The following ATXN1 variants were observed in gnomAD, a reference collection of about 807,000 sequenced individuals.
ATXN1 encodes ataxin 1.
In ATXN1, 8 loss-of-function variants were observed where a neutral mutation model predicts 56.4. That is an observed-to-expected ratio of 0.14 (90% CI 0.08 to 0.26). The LOEUF (loss-of-function observed/expected upper bound fraction) is 0.26. Ranked by LOEUF, ATXN1 falls within the 10% of genes least tolerant of loss-of-function variation. The pLI is 1.00. For missense variants in ATXN1, 987 were observed against 1,106.5 expected (o/e 0.89, Z 1.53); for synonymous variants, 514 against 494.6 (o/e 1.04, Z -0.52).
intron 6 of ATXN1, among the ~76,000 whole-genome samples, chr6:16,386,863 G>T (rs989217948): frequency 6.6e-6 from 1 of 152,058 alleles, no homozygotes; most frequent in Non-Finnish European, 1.5e-5. Context: ...AAGGAGACGG[G>T]GTTTCACTAT....
In ATXN1 at chr6:16,506,730, T is replaced by C. The variant is rs1760987498; in HGVS notation, c.-299+15897A>G. ...GGCTCACTGGCAAAATGTGGTCTAG[T>C]GGGCCTGATTAGGAAACAAAAGCTT... is the stretch of plus-strand genomic sequence containing the variant. On this transcript the variant is annotated intron_variant, in intron 5 of 7. Coordinates refer to ENST00000436367, the MANE Select transcript of ATXN1 (RefSeq NM_001128164.2). This position sits in a 1 kb window ranked among gnomAD's most constrained non-coding sequence, Gnocchi z 4.1. Among the ~76,000 whole-genome samples, 1 of 152,212 alleles carries C rather than the reference T, an allele frequency of 6.6e-6. No homozygotes were observed. Among genetic ancestry groups the C allele is most frequent in the Non-Finnish European group, 1.5e-5 (1 of 68,034 alleles).
chr6:16,434,980 C>T (rs138898571), intron 6 of ATXN1, among the ~76,000 whole-genome samples: 18 of 151,944 alleles, frequency 1.2e-4, no homozygotes, highest in East Asian at 7.7e-4. Context: ...GATAGTGGGC[C>T]GGAAGAGAGA....
intron 2 of ATXN1, among the ~76,000 whole-genome samples, chr6:16,693,385 A>G (rs1215392137): frequency 1.3e-5 from 2 of 152,182 alleles, no homozygotes; most frequent in East Asian, 3.9e-4. Flanking sequence ...ACAAGAAACA[A>G]GCAATGGAAG....
At chr6:16,718,674 C>T (rs1269579649) in intron 2 of ATXN1, among the ~76,000 whole-genome samples, 2 of 152,222 alleles carry the variant, frequency 1.3e-5, no homozygotes, top group Admixed American at 1.3e-4. Context: ...ACAGTGGAGA[C>T]CATCTGAACT....
At chr6:16,731,025 A>G (rs1045986459) in intron 2 of ATXN1, among the ~76,000 whole-genome samples, 1 of 152,174 alleles carries the variant, frequency 6.6e-6, no homozygotes, top group Non-Finnish European at 1.5e-5. Flanking sequence ...GCACAATTTC[A>G]CATTCCTGGA....
intron 3 of ATXN1, among the ~76,000 whole-genome samples, chr6:16,617,956 A>C (rs6459476): frequency 0.43 from 65,640 of 151,282 alleles, 16,897 homozygotes; most frequent in African/African-American, 0.74. Context: ...AAAATAAACG[A>C]TAAATATAAA....
At chr6:16,475,184 T>G (rs1426187082) in intron 6 of ATXN1, among the ~76,000 whole-genome samples, 1 of 152,208 alleles carries the variant, frequency 6.6e-6, no homozygotes, top group Non-Finnish European at 1.5e-5. Context: ...CATATGCACA[T>G]GGATAATTCT....
intron 4 of ATXN1, among the ~76,000 whole-genome samples, chr6:16,584,371 ATTT>A (rs201353412): frequency 6.6e-6 from 1 of 151,434 alleles, no homozygotes; most frequent in South Asian, 2.1e-4. Flanking sequence ...ATCTAATAAA[ATTT>A]TTTTATTAAA....
In ATXN1 at chr6:16,389,768, G is replaced by A. The variant is rs548472574; in HGVS notation, c.-160-61298C>T. 4.6e-5 allele frequency among the ~76,000 whole-genome samples: 7 copies of A among 152,266 alleles called. No homozygotes were observed. The South Asian group carries it at 1.2e-3, about 27-fold the overall frequency. ...CCTGACTCACATAGGCACTGCAATC[G>A]TTCTATTTCAAATAAGTGGGACCAG... On this transcript the variant is annotated intron_variant, in intron 6 of 7. Coordinates refer to ENST00000436367, the MANE Select transcript of ATXN1 (RefSeq NM_001128164.2).
chr6:16,554,524 T>C (rs1761976961), intron 4 of ATXN1, among the ~76,000 whole-genome samples: 1 of 152,240 alleles, frequency 6.6e-6, no homozygotes, highest in Non-Finnish European at 1.5e-5. Flanking sequence ...CGGTCTTGGC[T>C]CACTGCAACC....
In ATXN1 at chr6:16,395,778, G is replaced by A. The variant is rs186103347; in HGVS notation, c.-160-67308C>T. Among the ~76,000 whole-genome samples, 462 of 152,210 alleles carry A rather than the reference G, an allele frequency of 3.0e-3. 1 individual carries two copies. The highest frequency in any genetic ancestry group is 5.0e-3 in the Admixed American group (76 of 15,292). On this transcript the variant is annotated intron_variant, in intron 6 of 7. Transcript: ENST00000436367. ...CATGCCTGTAATCCCAGCACTTTGG[G>A]AGGCCAAGGTGGGCAGATCACGAGG...
At chr6:16,579,002 C>T (rs1345839991) in intron 4 of ATXN1, among the ~76,000 whole-genome samples, 1 of 152,242 alleles carries the variant, frequency 6.6e-6, no homozygotes, top group Non-Finnish European at 1.5e-5. Context: ...TTCTGTCTCA[C>T]TCCTTTTCCC....
intron 2 of ATXN1, among the ~76,000 whole-genome samples, chr6:16,711,977 C>A (rs62387993): frequency 1.3e-5 from 2 of 151,592 alleles, no homozygotes; most frequent in African/African-American, 4.9e-5. Flanking sequence ...AAAGTACTGA[C>A]TGATTCCATT....
intron 3 of ATXN1, among the ~76,000 whole-genome samples, chr6:16,589,524 C>T (rs1361651073): frequency 5.3e-5 from 8 of 151,880 alleles, no homozygotes; most frequent in South Asian, 2.1e-4. Flanking sequence ...CTGAAATATA[C>T]GATTAATAGA....
chr6:16,720,162 C>T (rs577225431), intron 2 of ATXN1, among the ~76,000 whole-genome samples: 31 of 152,328 alleles, frequency 2.0e-4, no homozygotes, highest in Non-Finnish European at 3.4e-4. Flanking sequence ...CCCTTCACCA[C>T]TCCCATCTTC....
rs564657473 is a variant in ATXN1, at chr6:16,404,358, C to T, written c.-160-75888G>A. Among the ~76,000 whole-genome samples, 3 of 152,272 alleles carry T rather than the reference C, an allele frequency of 2.0e-5. No individual in the cohort carries two copies. The South Asian group carries it at 6.2e-4, about 32-fold the overall frequency. On this transcript the variant is annotated intron_variant, in intron 6 of 7. Transcript: ENST00000436367. ...GTTTGAACTGAGCATGTTTTGTTTT[C>T]ACATTTTCCACTAAAAGGTGCTTTG...
intron 6 of ATXN1, among the ~76,000 whole-genome samples, chr6:16,457,728 A>G (rs1376601663): frequency 6.6e-6 from 1 of 152,164 alleles, no homozygotes; most frequent in Non-Finnish European, 1.5e-5. Flanking sequence ...TACATTCCAC[A>G]GGAGGACCTC....
chr6:16,648,053 C>T (rs970858586), intron 3 of ATXN1, among the ~76,000 whole-genome samples: 5 of 152,102 alleles, frequency 3.3e-5, no homozygotes, highest in African/African-American at 1.2e-4. Context: ...CCAGCCTGGG[C>T]AACAAGAACG....
chr6:16,354,549 C>T (rs1761644881), intron 6 of ATXN1, among the ~76,000 whole-genome samples: 1 of 152,134 alleles, frequency 6.6e-6, no homozygotes, highest in Admixed American at 6.5e-5. Context: ...CGCACTCGGA[C>T]CCTTCTATTT....
Sources: allele counts gnomAD v4.1 joint callset (sites outside exome capture counted in the v4.1 genomes callset), GRCh38; gene constraint gnomAD v4.1.1; non-coding constraint Gnocchi (gnomAD v3.1); transcripts MANE v1.5; gene names NCBI Gene and HGNC (gene_info 2026-07-23, HGNC 2026-07-21).